Variants in C4orf17 observed in about 807,000 individuals in gnomAD.
C4orf17 encodes uncharacterized protein C4orf17.
Under a neutral mutation model 32.0 loss-of-function variants are expected in C4orf17, and 25 were observed. The observed-to-expected ratio is 0.78, with a 90% CI of 0.57 to 1.09. C4orf17 has a LOEUF of 1.09. Ranked by LOEUF, C4orf17 falls within the 50% of genes least tolerant of loss-of-function variation. C4orf17 has a pLI of 0.00. For missense variants in C4orf17, 420 were observed against 420.0 expected (o/e 1.00, Z 0.00); for synonymous variants, 149 against 145.8 (o/e 1.02, Z -0.16).
At position 99,542,204 on chromosome 4, in the gene C4orf17, C is replaced by G. The variant is rs558691965; in HGVS notation, c.*95C>G. The G allele has an allele frequency of 9.3e-7, 1 of 1,070,016 alleles. No individual in the cohort carries two copies. Among genetic ancestry groups the G allele is most frequent in the Non-Finnish European group, 1.4e-6 (1 of 705,390 alleles). The allele number at this position is 1,070,016 out of a possible 1,614,324, so 66.3% of individuals were successfully genotyped here. On this transcript the variant is annotated 3_prime_UTR_variant, in exon 9 of 9. Transcript: ENST00000326581. ...ATGAATATTTTTGGTATTGAGGAAT[C>G]AAGTGGTCCTCTTTATGGTGGCACA...
In C4orf17 at chr4:99,539,166, A is replaced by T; in HGVS notation, c.632A>T (p.Lys211Ile). 7 of 1,613,768 alleles carry T rather than the reference A, an allele frequency of 4.3e-6. No individual in the cohort carries two copies. The highest frequency in any genetic ancestry group is 5.9e-6 in the Non-Finnish European group (7 of 1,179,708). The change falls in exon 7 of 9, where the codon AAA becomes ATA. Residue 211 changes from lysine (K) to isoleucine (I), a missense_variant. By Grantham distance (102) the Lys-to-Ile change is moderately radical. Coordinates refer to ENST00000326581, the MANE Select transcript of C4orf17 (RefSeq NM_032149.3). ...QWLLHATSKE[K>I]EWVSALIHSE... is the part of the protein sequence containing the mutation. ...CCTTTTTTGTCTTTTAAACCAGAAAAAGAGTGGGTCTCAGCTTTGATTCAT... is the reference window on the plus strand; with the variant it reads ...CCTTTTTTGTCTTTTAAACCAGAAATAGAGTGGGTCTCAGCTTTGATTCAT...
In C4orf17 at chr4:99,533,924, T is replaced by C. The variant is rs1328623091; in HGVS notation, c.547-3745T>C. Among the ~76,000 whole-genome samples, 5 of 152,270 alleles carry C rather than the reference T, an allele frequency of 3.3e-5. No individual in the cohort carries two copies. In the South Asian group the frequency reaches 1.0e-3, roughly 32 times the overall value. On this transcript the variant is annotated intron_variant, in intron 5 of 8. Transcript: ENST00000326581. Reference sequence around the variant, plus strand: ...AATCCTAAAATAAAATTTCAAGACATCAAGTTCACTTGCCAATATATTAAT... The same window carrying C: ...AATCCTAAAATAAAATTTCAAGACACCAAGTTCACTTGCCAATATATTAAT...
intron 8 of C4orf17, chr4:99,541,108 A>G (rs1723645575): frequency 6.6e-6 from 1 of 152,258 alleles, no homozygotes; most frequent in South Asian, 2.1e-4. Flanking sequence ...GCTTTATACA[A>G]AAATGTGTCT....
Position 99,524,018 on chromosome 4 carries a change from C to T in C4orf17, c.338-503C>T, listed in dbSNP as rs571238200. Among the ~76,000 whole-genome samples the T allele has an allele frequency of 1.9e-4, 26 of 134,238 alleles. No homozygotes were observed. The East Asian group carries it at 2.6e-3, about 13-fold the overall frequency. 88.1% of individuals were successfully genotyped at this position (134,238 alleles called of 152,430 possible). Reference sequence around the variant, plus strand: ...TTTTTGAGACGGAGTCTTGCTCTGTCGCCCAGCCTGGAGTGCAGTGGTGCA... The same window carrying T: ...TTTTTGAGACGGAGTCTTGCTCTGTTGCCCAGCCTGGAGTGCAGTGGTGCA... On this transcript the variant is annotated intron_variant, in intron 3 of 8. Coordinates refer to ENST00000326581, the MANE Select transcript of C4orf17 (RefSeq NM_032149.3).
intron 8 of C4orf17, chr4:99,541,364 G>C (rs1347867949): frequency 6.5e-6 from 1 of 153,266 alleles, no homozygotes; most frequent in African/African-American, 2.4e-5. Context: ...ATAACATCAT[G>C]ACAGTGATGG....
intron 4 of C4orf17, among the ~76,000 whole-genome samples, chr4:99,528,804 T>G (rs1266123801): frequency 2.0e-5 from 3 of 152,168 alleles, no homozygotes; most frequent in African/African-American, 7.2e-5. Flanking sequence ...CCTGACCCCA[T>G]GATTCAATTA....
intron 7 of C4orf17, 83 bp downstream of exon 7, chr4:99,539,453 T>C: frequency 8.7e-7 from 1 of 1,153,028 alleles, no homozygotes; most frequent in South Asian, 1.3e-5. Context: ...TCTTTCAAAA[T>C]GTTAAACAGG....
At chr4:99,518,288 T>C (rs1046648323) in intron 2 of C4orf17, among the ~76,000 whole-genome samples, 5 of 151,122 alleles carry the variant, frequency 3.3e-5, no homozygotes, top group Non-Finnish European at 7.4e-5. Flanking sequence ...GCTCAGTAGC[T>C]CACACTTGCA....
At position 99,534,103 on chromosome 4, in the gene C4orf17, T is replaced by A. The variant is rs114538237; in HGVS notation, c.547-3566T>A. Among the ~76,000 whole-genome samples the A allele has an allele frequency of 3.7e-3, 567 of 152,226 alleles. 5 individuals carry two copies. Among genetic ancestry groups the A allele is most frequent in the African/African-American group, 0.013 (534 of 41,538 alleles). On this transcript the variant is annotated intron_variant, in intron 5 of 8. Transcript: ENST00000326581. ...CATCACCTAAGTATTATGCCAAGCA[T>A]CCATTAGCTATTCTTCCTGATGCTC... is the stretch of plus-strand genomic sequence containing the variant.
chr4:99,522,742 T>G (rs1271736336), intron 3 of C4orf17, 33 bp downstream of exon 3: 1 of 1,541,780 alleles, frequency 6.5e-7, no homozygotes. Flanking sequence ...AAATGTTTCC[T>G]TATGCCTCCT....
Position 99,518,581 on chromosome 4 carries a change from AGAGGGAGG to A in C4orf17, c.128-3915_128-3908del, listed in dbSNP as rs1249082777. On this transcript the variant is annotated intron_variant, in intron 2 of 8. Coordinates refer to ENST00000326581, the MANE Select transcript of C4orf17 (RefSeq NM_032149.3). ...GAGAGAGAGAGAGAGAGAGAGAGAGAGAGGGAGGGAGACAGAGAGAGAGAGAGACTGTT... is the reference window on the plus strand; with the variant it reads ...GAGAGAGAGAGAGAGAGAGAGAGAGAGAGACAGAGAGAGAGAGAGACTGTT... 4.0e-3 allele frequency among the ~76,000 whole-genome samples: 447 copies of A among 110,628 alleles called. 15 individuals carry two copies. Among genetic ancestry groups the A allele is most frequent in the African/African-American group, 0.017 (378 of 21,816 alleles). The allele number at this position is 110,628 out of a possible 152,430, so 72.6% of individuals were successfully genotyped here.
intron 3 of C4orf17, among the ~76,000 whole-genome samples, chr4:99,524,217 G>A (rs767794544): frequency 2.6e-5 from 4 of 151,914 alleles, no homozygotes; most frequent in African/African-American, 7.3e-5. Flanking sequence ...TCCTGACCTC[G>A]TGATCCGCCC....
intron 5 of C4orf17, among the ~76,000 whole-genome samples, chr4:99,530,677 G>A (rs951179465): frequency 1.1e-4 from 17 of 152,096 alleles, no homozygotes; most frequent in Non-Finnish European, 2.4e-4. Context: ...AAATAACAGA[G>A]CATGTTGTAG....
At chr4:99,535,248 G>A (rs371846358) in intron 5 of C4orf17, among the ~76,000 whole-genome samples, 1 of 151,998 alleles carries the variant, frequency 6.6e-6, no homozygotes, top group Admixed American at 6.6e-5. Context: ...ATCTTACCAG[G>A]GTTCTCCAGA....
chr4:99,515,398 A>C (rs1723163611), intron 2 of C4orf17, among the ~76,000 whole-genome samples: 1 of 152,196 alleles, frequency 6.6e-6, no homozygotes, highest in African/African-American at 2.4e-5. Flanking sequence ...CTTTGTAGGG[A>C]TATGGATGGA....
intron 3 of C4orf17, among the ~76,000 whole-genome samples, chr4:99,524,100 C>T (rs2110168961): frequency 6.6e-6 from 1 of 151,634 alleles, no homozygotes; most frequent in South Asian, 2.1e-4. Flanking sequence ...CTGCCTCAGC[C>T]TCCCAAGTAG....
chr4:99,536,054 G>A (rs1578195643), intron 5 of C4orf17: 2 of 424,108 alleles, frequency 4.7e-6, no homozygotes, highest in Admixed American at 2.7e-5. Flanking sequence ...GGTATCATCA[G>A]TGAGAGTTGC....
At position 99,542,008 on chromosome 4, in the gene C4orf17, A is replaced by G. The variant is rs140002163; in HGVS notation, c.979A>G (p.Thr327Ala). Residue 327 changes from threonine (T) to alanine (A), a missense_variant, in exon 9 of 9, where the codon ACT (threonine) becomes GCT (alanine). Thr to Ala is a moderately conservative substitution (Grantham distance 58). Transcript: ENST00000326581. ...ACCAAATTCTCCTCCCAGGCCTAAC[A>G]CTCAGGAGAGTGGATCAGCAAAACC... The part of the protein sequence containing the change: ...SKPNSPPRPN[T>A]QESGSAKPVS... The G allele has an allele frequency of 3.2e-4, 509 of 1,613,988 alleles. 1 individual carries two copies. In the African/African-American group the frequency reaches 6.0e-3, roughly 19 times the overall value.
chr4:99,523,309 A>T (rs916874727), intron 3 of C4orf17, among the ~76,000 whole-genome samples: 1 of 152,260 alleles, frequency 6.6e-6, no homozygotes, highest in Non-Finnish European at 1.5e-5. Flanking sequence ...TAGAAATTAT[A>T]TCCAGTTCTC....
Sources: gnomAD v4.1 joint callset for allele counts (sites outside exome capture counted in the v4.1 genomes callset) on GRCh38, gnomAD v4.1.1 for gene constraint, MANE v1.5 for transcripts, NCBI Gene and HGNC (gene_info 2026-07-23, HGNC 2026-07-21) for gene names.